The following TCERG1L variants were observed in gnomAD, a reference collection of about 807,000 sequenced individuals.
TCERG1L encodes the protein transcription elongation regulator 1-like protein.
TCERG1L carries 37 observed loss-of-function variants against 56.3 expected under a neutral mutation model. The observed-to-expected ratio is 0.66, with a 90% CI of 0.51 to 0.87. TCERG1L has a LOEUF of 0.87. Ranked by LOEUF, TCERG1L falls within the 40% of genes least tolerant of loss-of-function variation. The pLI is 0.00. For synonymous variants in TCERG1L, 324 were observed against 326.3 expected (o/e 0.99, Z 0.08); for missense variants, 799 against 774.2 (o/e 1.03, Z -0.38).
chr10:131,162,264 G>A (rs1322214344), intron 6 of TCERG1L: 1 of 152,338 alleles, frequency 6.6e-6, no homozygotes, highest in East Asian at 1.9e-4. Context: ...CCAGGGTACA[G>A]AGGAGCTTTA....
At chr10:131,168,243 G>T (rs191009139) in intron 4 of TCERG1L, among the ~76,000 whole-genome samples, 1 of 152,204 alleles carries the variant, frequency 6.6e-6, no homozygotes, top group Non-Finnish European at 1.5e-5. Flanking sequence ...TGCTTGAAGG[G>T]GGTGAAAGGC....
intron 3 of TCERG1L, among the ~76,000 whole-genome samples, chr10:131,261,005 C>G (rs10829961): frequency 0.056 from 8,502 of 151,022 alleles, 285 homozygotes; most frequent in African/African-American, 0.075. Flanking sequence ...AGAGGGTGGA[C>G]AGGTTTCCAG....
chr10:131,154,645 C>A (rs1484638280), intron 6 of TCERG1L, among the ~76,000 whole-genome samples: 1 of 152,240 alleles, frequency 6.6e-6, no homozygotes, highest in Non-Finnish European at 1.5e-5. Context: ...ATCCACCTGG[C>A]AGCTGGGTGA....
intron 3 of TCERG1L, among the ~76,000 whole-genome samples, chr10:131,290,935 T>C (rs1846612901): frequency 1.3e-5 from 2 of 152,206 alleles, no homozygotes; most frequent in Admixed American, 6.5e-5. Context: ...AAAGTTATGC[T>C]GCAGGCGTGG....
chr10:131,121,857 A>G (rs1003770446), intron 8 of TCERG1L, among the ~76,000 whole-genome samples: 30 of 152,180 alleles, frequency 2.0e-4, no homozygotes, highest in African/African-American at 7.0e-4. Flanking sequence ...AGTGAGAGAG[A>G]TGCCCCCTCA....
Position 131,135,365 on chromosome 10 carries a change from T to A in TCERG1L, c.1190-917A>T, listed in dbSNP as rs572113088. Among the ~76,000 whole-genome samples the A allele has an allele frequency of 2.6e-5, 4 of 152,206 alleles. No homozygotes were observed. In the East Asian group the frequency reaches 7.8e-4, roughly 30 times the overall value. Reference sequence around the variant, plus strand: ...AGCCTGCACCTCCTTCCTGGGAGGGTCTGCGATGAAAACAGCGCTCAGCTC... The same window carrying A: ...AGCCTGCACCTCCTTCCTGGGAGGGACTGCGATGAAAACAGCGCTCAGCTC... On this transcript the variant is annotated intron_variant, in intron 7 of 11. Transcript: ENST00000368642.
Position 131,311,203 on chromosome 10 carries a change from G to T in TCERG1L, c.342+91C>A. Reference sequence around the variant, plus strand: ...CGAGGACCGCCGGGGAGGAGGGCGCGCGAGCCGGAGGCCAGAGCCGGGCCG... The same window carrying T: ...CGAGGACCGCCGGGGAGGAGGGCGCTCGAGCCGGAGGCCAGAGCCGGGCCG... On this transcript the variant is annotated intron_variant, in intron 1 of 11. Coordinates refer to ENST00000368642, the MANE Select transcript of TCERG1L (RefSeq NM_174937.4). This position sits in a 1 kb window ranked among gnomAD's most constrained non-coding sequence, Gnocchi z 4.0. The T allele has an allele frequency of 1.9e-6, 2 of 1,050,064 alleles. No individual in the cohort carries two copies. Among genetic ancestry groups the T allele is most frequent in the Non-Finnish European group, 2.4e-6 (2 of 839,312 alleles). The allele number at this position is 1,050,064 out of a possible 1,614,324, so 65.0% of individuals were successfully genotyped here. A position where few individuals can be genotyped will look rare whatever the true frequency, so the allele number is the denominator to read the frequency against.
At position 131,251,266 on chromosome 10, in the gene TCERG1L, C is replaced by A. The variant is rs1470323010; in HGVS notation, c.856+8993G>T. On this transcript the variant is annotated intron_variant, in intron 4 of 11. Transcript: ENST00000368642. ...CAGCAACCCCAGCTCACTGGGCTACCTGCCTGTGCTGGGAGCCAGTCCTGA... is the reference window on the plus strand; with the variant it reads ...CAGCAACCCCAGCTCACTGGGCTACATGCCTGTGCTGGGAGCCAGTCCTGA... Among the ~76,000 whole-genome samples the A allele has an allele frequency of 3.9e-5, 6 of 152,302 alleles. No homozygotes were observed. In the South Asian group the frequency reaches 1.0e-3, roughly 26 times the overall value.
At chr10:131,282,216 C>A (rs975209746) in intron 3 of TCERG1L, among the ~76,000 whole-genome samples, 1 of 151,708 alleles carries the variant, frequency 6.6e-6, no homozygotes, top group Non-Finnish European at 1.5e-5. Flanking sequence ...ATCTTCACCT[C>A]TGAAAGCACA....
intron 4 of TCERG1L, among the ~76,000 whole-genome samples, chr10:131,247,549 G>T (rs1294370188): frequency 2.0e-5 from 3 of 152,164 alleles, no homozygotes; most frequent in Non-Finnish European, 4.4e-5. Context: ...GTGAGATAAG[G>T]CTTCTGTGGC....
chr10:131,218,562 T>C (rs1372817854), intron 4 of TCERG1L, among the ~76,000 whole-genome samples: 1 of 152,174 alleles, frequency 6.6e-6, no homozygotes, highest in African/African-American at 2.4e-5. Flanking sequence ...GGTGCGACCC[T>C]GGCTCACTGC....
At chr10:131,228,058 T>C (rs1456029582) in intron 4 of TCERG1L, among the ~76,000 whole-genome samples, 1 of 151,696 alleles carries the variant, frequency 6.6e-6, no homozygotes, top group East Asian at 2.0e-4. Flanking sequence ...CTCAGTGGCA[T>C]TGCAGGGCTA....
intron 4 of TCERG1L, among the ~76,000 whole-genome samples, chr10:131,194,370 C>T (rs1845335080): frequency 6.6e-6 from 1 of 152,220 alleles, no homozygotes; most frequent in African/African-American, 2.4e-5. Flanking sequence ...ACCCGAATTC[C>T]TCTTCTGGAA....
chr10:131,211,337 G>A (rs1845617349), intron 4 of TCERG1L, among the ~76,000 whole-genome samples: 2 of 152,240 alleles, frequency 1.3e-5, no homozygotes, highest in African/African-American at 4.8e-5. Flanking sequence ...GTGGTGAGCT[G>A]CGGCCAGGGC....
Position 131,260,893 on chromosome 10 carries a change from G to A in TCERG1L, c.671-449C>T, listed in dbSNP as rs1430682483. ...GGAAGAAGGGGCAGCTGTGGGCCAG[G>A]GTGGAGAGAGGTTTCCAGAGGACAC... On this transcript the variant is annotated intron_variant, in intron 3 of 11. Transcript: ENST00000368642. This position sits in a 1 kb window ranked among gnomAD's most constrained non-coding sequence, Gnocchi z 5.8. Among the ~76,000 whole-genome samples the A allele has an allele frequency of 6.6e-6, 1 of 152,194 alleles. No homozygotes were observed. Among genetic ancestry groups the A allele is most frequent in the South Asian group, 2.1e-4 (1 of 4,828 alleles).
chr10:131,152,149 A>T (rs545662501), intron 6 of TCERG1L, among the ~76,000 whole-genome samples: 14 of 152,134 alleles, frequency 9.2e-5, no homozygotes, highest in Non-Finnish European at 1.3e-4. Context: ...ATTTATGCAA[A>T]TTTCTGCAGC....
chr10:131,201,936 A>G (rs945282682), intron 4 of TCERG1L, among the ~76,000 whole-genome samples: 103 of 152,312 alleles, frequency 6.8e-4, no homozygotes, highest in African/African-American at 2.4e-3. Context: ...GATGCTAGAA[A>G]GCTCTAACAA....
chr10:131,189,211 C>T (rs1292265911), intron 4 of TCERG1L, among the ~76,000 whole-genome samples: 1 of 152,128 alleles, frequency 6.6e-6, no homozygotes, highest in African/African-American at 2.4e-5. Flanking sequence ...TTATAGGGCA[C>T]AAGTGCAATT....
intron 3 of TCERG1L, among the ~76,000 whole-genome samples, chr10:131,277,421 G>A (rs150942409): frequency 1.8e-4 from 28 of 152,322 alleles, no homozygotes; most frequent in African/African-American, 6.3e-4. Context: ...GAAATCTCCC[G>A]CAGGCCTGCG....
Sources: gnomAD v4.1 joint callset for allele counts (sites outside exome capture counted in the v4.1 genomes callset) on GRCh38, gnomAD v4.1.1 for gene constraint, Gnocchi (gnomAD v3.1) non-coding constraint, MANE v1.5 for transcripts, NCBI Gene and HGNC (gene_info 2026-07-23, HGNC 2026-07-21) for gene names.